MEN1: variants seen among roughly 807,000 people sequenced by gnomAD.
MEN1 encodes the protein menin.
Under a neutral mutation model 58.0 loss-of-function variants are expected in MEN1, and 6 were observed. The observed-to-expected ratio is 0.10, with a 90% CI of 0.06 to 0.20. The LOEUF (loss-of-function observed/expected upper bound fraction) is 0.20. MEN1 is among the 10% of genes least tolerant of loss of function. The pLI is 1.00. For synonymous variants in MEN1, 346 were observed against 350.7 expected, an observed-to-expected ratio of 0.99 and a Z score of 0.15; for missense variants, 492 against 818.5, an observed-to-expected ratio of 0.60 and a Z score of 4.87.
intron 2 of MEN1, among the ~76,000 whole-genome samples, chr11:64,808,929 T>C (rs574351545): frequency 1.0e-4 from 15 of 143,856 alleles, no homozygotes; most frequent in African/African-American, 3.3e-4. Flanking sequence ...CACTCCAGCC[T>C]GGGCGACAGA....
rs1359880787 is a variant in MEN1 at position 64,806,291 on chromosome 11, G to T, written c.990C>A (p.Arg330=). ...PYMYLAGYHC[R]NRNVREALQA... ...GCAGGGCTTCCCGCACATTGCGGTTGCGACAGTGGTAGCCAGCCAGGTACA... is the reference window on the plus strand; with the variant it reads ...GCAGGGCTTCCCGCACATTGCGGTTTCGACAGTGGTAGCCAGCCAGGTACA... The change falls in exon 7 of 10, where the codon CGC becomes CGA. Residue 330 remains arginine, a synonymous_variant. Transcript: ENST00000450708. 1 of 1,614,102 alleles carries T rather than the reference G, an allele frequency of 6.2e-7. No homozygotes were observed. Among genetic ancestry groups the T allele is most frequent in the East Asian group, 2.2e-5 (1 of 44,900 alleles).
intron 8 of MEN1, 82 bp from the exon 9 acceptor site, chr11:64,805,280 G>A (rs941624112): frequency 6.7e-7 from 1 of 1,495,954 alleles, no homozygotes; most frequent in African/African-American, 1.4e-5. Context: ...CCCCACCTAG[G>A]CAAAGACCCC....
At position 64,804,985 on chromosome 11, in the gene MEN1, C is replaced by T. The variant is rs746828409; in HGVS notation, c.1350+49G>A. The T allele has an allele frequency of 7.5e-6, 12 of 1,608,742 alleles. No individual in the cohort carries two copies. Among genetic ancestry groups the T allele is most frequent in the Non-Finnish European group, 1.0e-5 (12 of 1,179,798 alleles). On this transcript the variant is annotated intron_variant, in intron 9 of 9. Coordinates refer to ENST00000450708, the MANE Select transcript of MEN1 (RefSeq NM_001370259.2). This position sits in a 1 kb window ranked among gnomAD's most constrained non-coding sequence, Gnocchi z 4.2. ...CCAGAAAAGTCTGACAAGCCCGTGG[C>T]TGCTGTCACCACCTGTAGTGCCCAG...
Position 64,805,250 on chromosome 11 carries a change from C to T in MEN1, c.1186-52G>A, listed in dbSNP as rs763687612. ...GATCAGTCTCTTACTCACCCCTTAG[C>T]AGAGGGCACAGGCCAGGCCCCCCAC... On this transcript the variant is annotated intron_variant, in intron 8 of 9. Coordinates refer to ENST00000450708, the MANE Select transcript of MEN1 (RefSeq NM_001370259.2). 15 of 1,594,896 alleles carry T rather than the reference C, an allele frequency of 9.4e-6. 1 individual carries two copies. In the South Asian group the frequency reaches 1.7e-4, roughly 18 times the overall value.
Position 64,803,808 on chromosome 11 carries a change from A to T in MEN1, c.*526T>A, listed in dbSNP as rs545890111. The T allele has an allele frequency of 8.3e-4, 201 of 242,860 alleles. 2 individuals carry two copies. Among genetic ancestry groups the T allele is most frequent in the African/African-American group, 4.2e-3 (191 of 45,508 alleles). 15.0% of individuals were successfully genotyped at this position (242,860 alleles called of 1,614,324 possible). ...CGAAGGAGAGGAAACTAGGATTTCCAAATTCTGGAGCAGGACTGAAGTTAT... is the reference window on the plus strand; with the variant it reads ...CGAAGGAGAGGAAACTAGGATTTCCTAATTCTGGAGCAGGACTGAAGTTAT... On this transcript the variant is annotated 3_prime_UTR_variant, in exon 10 of 10. Coordinates refer to ENST00000450708, the MANE Select transcript of MEN1 (RefSeq NM_001370259.2).
Position 64,805,250 on chromosome 11 carries a change from CA to C in MEN1, c.1186-53del, listed in dbSNP as rs1941639128. ...GATCAGTCTCTTACTCACCCCTTAG[CA>C]GAGGGCACAGGCCAGGCCCCCCACC... On this transcript the variant is annotated intron_variant, in intron 8 of 9. Coordinates refer to ENST00000450708, the MANE Select transcript of MEN1 (RefSeq NM_001370259.2). The C allele has an allele frequency of 1.9e-6, 3 of 1,595,014 alleles. No homozygotes were observed. The South Asian group carries it at 3.4e-5, about 18-fold the overall frequency.
rs555519292 is a variant in MEN1 at position 64,806,003 on chromosome 11, T to C, written c.1049+229A>G. On this transcript the variant is annotated intron_variant, in intron 7 of 9. Coordinates refer to ENST00000450708, the MANE Select transcript of MEN1 (RefSeq NM_001370259.2). Reference sequence around the variant, plus strand: ...ATGATGGTGGTTAAACATTGGAGATTTGAGACTGTTCTGAGAAAAAAAAAA... The same window carrying C: ...ATGATGGTGGTTAAACATTGGAGATCTGAGACTGTTCTGAGAAAAAAAAAA... The C allele has an allele frequency of 1.4e-4, 94 of 652,362 alleles. No individual in the cohort carries two copies. In the African/African-American group the frequency reaches 1.6e-3, roughly 11 times the overall value. The allele number at this position is 652,362 out of a possible 1,614,324, so 40.4% of individuals were successfully genotyped here. A position where few individuals can be genotyped will look rare whatever the true frequency, so the allele number is the denominator to read the frequency against.
Position 64,804,615 on chromosome 11 carries a change from G to T in MEN1, c.1552C>A (p.Pro518Thr). 1 of 1,609,042 alleles carries T rather than the reference G, an allele frequency of 6.2e-7. No individual in the cohort carries two copies. ...QGAVSGPPRK[P>T]PGTVAGTARG... ...GCTGTGCCAGCGACAGTCCCAGGAG[G>T]CTTCCGGGGGGGTCCTGACACTGCA... Residue 518 changes from proline (P) to threonine (T), a missense_variant, in exon 10 of 10, where the codon CCT (proline) becomes ACT (threonine). By Grantham distance (38) the Pro-to-Thr change is conservative. This residue lies in a region of MEN1 where 79 missense variants were observed against 82.5 expected (regional missense o/e 0.96). Coordinates refer to ENST00000450708, the MANE Select transcript of MEN1 (RefSeq NM_001370259.2). This position sits in a 1 kb window ranked among gnomAD's most constrained non-coding sequence, Gnocchi z 4.2.
Position 64,806,356 on chromosome 11 carries a change from C to T in MEN1, c.925G>A (p.Ala309Thr), listed in dbSNP as rs746505147. 1.2e-6 allele frequency: 2 copies of T among 1,614,170 alleles called. No homozygotes were observed. The highest frequency in any genetic ancestry group is 1.1e-5 in the South Asian group (1 of 91,092). ...TGTTCATCCCGATAGTAGGTCTTGG[C>T]TGAGGCAATGCCCTGGATGGAGGTG... ...LTLYHKGIAS[A>T]KTYYRDEHIY... The change falls in exon 7 of 10, where the codon GCC (alanine) becomes ACC (threonine). Residue 309 changes from alanine (A) to threonine (T), a missense_variant. Ala to Thr is a moderately conservative substitution (Grantham distance 58). Coordinates refer to ENST00000450708, the MANE Select transcript of MEN1 (RefSeq NM_001370259.2).
chr11:64,809,012 C>T (rs1313707323), intron 2 of MEN1, among the ~76,000 whole-genome samples: 2 of 149,730 alleles, frequency 1.3e-5, no homozygotes, highest in African/African-American at 4.9e-5. Flanking sequence ...CCTGTAATCC[C>T]AGCATTTGGG....
chr11:64,808,196 T>C (rs887933733), intron 2 of MEN1, 97 bp from the exon 3 acceptor site: 3 of 1,185,176 alleles, frequency 2.5e-6, no homozygotes, highest in African/African-American at 1.5e-5. Flanking sequence ...CCACTCCCTT[T>C]CCAAGCCTGT....
Position 64,806,464 on chromosome 11 carries a change from G to A in MEN1, c.913-96C>T, listed in dbSNP as rs1592644498. On this transcript the variant is annotated intron_variant, in intron 6 of 9. Transcript: ENST00000450708. ...CAGGGCACACCCAGAAGGGGCCACA[G>A]GAAGATCCCAGGGAGTCCTCTCCAT... 3 of 1,449,116 alleles carry A rather than the reference G, an allele frequency of 2.1e-6. No individual in the cohort carries two copies. In the East Asian group the frequency reaches 6.8e-5, roughly 33 times the overall value. 89.8% of individuals were successfully genotyped at this position (1,449,116 alleles called of 1,614,324 possible).
intron 2 of MEN1, 108 bp from the exon 3 acceptor site, chr11:64,808,207 G>C: frequency 1.9e-6 from 2 of 1,058,724 alleles, no homozygotes; most frequent in Non-Finnish European, 2.8e-6. Flanking sequence ...CCAAGCCTGT[G>C]ACCCAACCTC....
In MEN1 at chr11:64,804,090, GT is replaced by G; in HGVS notation, c.*243del. 1.8e-6 allele frequency: 1 copy of G among 566,960 alleles called. No individual in the cohort carries two copies. Among genetic ancestry groups the G allele is most frequent in the Non-Finnish European group, 3.1e-6 (1 of 317,688 alleles). The allele number at this position is 566,960 out of a possible 1,614,324, so 35.1% of individuals were successfully genotyped here. A position where few individuals can be genotyped will look rare whatever the true frequency, so the allele number is the denominator to read the frequency against. ...ACTGGTAATTAGGACCCAGCGTGAG[GT>G]TTCCATTGGCCGGCTGGGATTCTGG... On this transcript the variant is annotated 3_prime_UTR_variant, in exon 10 of 10. Coordinates refer to ENST00000450708, the MANE Select transcript of MEN1 (RefSeq NM_001370259.2). This position sits in a 1 kb window ranked among gnomAD's most constrained non-coding sequence, Gnocchi z 4.2.
At chr11:64,806,163 C>G in intron 7 of MEN1, 69 bp downstream of exon 7, 1 of 1,602,032 alleles carries the variant, frequency 6.2e-7, no homozygotes, top group Non-Finnish European at 8.5e-7. Context: ...CAGTCCTGGA[C>G]GAGGGTGGTT....
chr11:64,804,295 A>C lies in MEN1; in HGVS notation c.*39T>G, dbSNP rs1941480453. ...CTCAGAGTTGGGGGACTAAGGGCGG[A>C]GCCTGGGTCCCCACAAGCGGTCCGA... On this transcript the variant is annotated 3_prime_UTR_variant, in exon 10 of 10. Transcript: ENST00000450708. The surrounding 1 kb of genome is among the most constrained non-coding windows in gnomAD (Gnocchi z 4.2). 1 of 1,613,784 alleles carries C rather than the reference A, an allele frequency of 6.2e-7. No homozygotes were observed. Among genetic ancestry groups the C allele is most frequent in the Non-Finnish European group, 8.5e-7 (1 of 1,179,816 alleles).
chr11:64,806,916 A>AAC, intron 6 of MEN1, 95 bp downstream of exon 6: 1 of 1,114,614 alleles, frequency 9.0e-7, no homozygotes, highest in Non-Finnish European at 1.3e-6. Flanking sequence ...GATACCCCCC[A>AAC]ACACACAAAG....
chr11:64,807,973 T>A lies in MEN1; in HGVS notation c.572A>T (p.Glu191Val). ...GTGCCAGGTGACCTCAGCTGTCTGC[T>A]CCCCATTGGGCCCAAACACTACCCA... ...HAWVVFGPNG[E>V]QTAEVTWHGK... The change falls in exon 3 of 10, where the codon GAG becomes GTG. Residue 191 changes from glutamate to valine, a missense_variant. This residue lies in a region of MEN1 where 335 missense variants were observed against 550.3 expected (regional missense o/e 0.61). Transcript: ENST00000450708. This position sits in a 1 kb window ranked among gnomAD's most constrained non-coding sequence, Gnocchi z 4.9. 1 of 1,613,986 alleles carries A rather than the reference T, an allele frequency of 6.2e-7. No homozygotes were observed. Among genetic ancestry groups the A allele is most frequent in the Non-Finnish European group, 8.5e-7 (1 of 1,179,994 alleles).
chr11:64,804,368 A>G lies in MEN1; in HGVS notation c.1799T>C (p.Leu600Pro). The G allele has an allele frequency of 6.2e-7, 1 of 1,614,200 alleles. No individual in the cohort carries two copies. The highest frequency in any genetic ancestry group is 8.5e-7 in the Non-Finnish European group (1 of 1,180,024). The part of the protein sequence containing the change: ...QKVSTPSDYT[L>P]SFLKRQRKGL Reference sequence around the variant, plus strand: ...TTTGCGCTGCCGCTTGAGGAAAGACAGAGTGTAGTCACTAGGGGTGGACAC... The same window carrying G: ...TTTGCGCTGCCGCTTGAGGAAAGACGGAGTGTAGTCACTAGGGGTGGACAC... Residue 600 changes from leucine to proline, a missense_variant, in exon 10 of 10, where the codon CTG becomes CCG. This residue lies in a region of MEN1 where 24 missense variants were observed against 72.4 expected (regional missense o/e 0.33). Coordinates refer to ENST00000450708, the MANE Select transcript of MEN1 (RefSeq NM_001370259.2). The surrounding 1 kb of genome is among the most constrained non-coding windows in gnomAD (Gnocchi z 4.2).
Sources: gnomAD v4.1 joint callset for allele counts (sites outside exome capture counted in the v4.1 genomes callset) on GRCh38, gnomAD v4.1.1 for gene constraint, gnomAD v4.1.1 regional missense constraint, Gnocchi (gnomAD v3.1) non-coding constraint, MANE v1.5 for transcripts, NCBI Gene and HGNC (gene_info 2026-07-23, HGNC 2026-07-21) for gene names.